Variants in TRIP12 observed in about 807,000 individuals in gnomAD.
TRIP12 encodes E3 ubiquitin-protein ligase TRIP12.
TRIP12 carries 25 observed loss-of-function variants against 244.2 expected under a neutral mutation model. That is an observed-to-expected ratio of 0.10 (90% confidence interval 0.07 to 0.14). The LOEUF (loss-of-function observed/expected upper bound fraction) is 0.14, where lower values mean the gene tolerates loss of function less well. Ranked by LOEUF, TRIP12 falls within the 10% of genes least tolerant of loss-of-function variation. The probability of loss-of-function intolerance (pLI) is 1.00; values close to 1 mark genes in which losing one functional copy is unlikely to be tolerated. For missense variants in TRIP12, 1,677 were observed against 2,486.4 expected, an observed-to-expected ratio of 0.67 and a Z score of 6.92; for synonymous variants, 905 against 873.1, an observed-to-expected ratio of 1.04 and a Z score of -0.64.
At chr2:229,907,736 G>A (rs186762044) in intron 1 of TRIP12, among the ~76,000 whole-genome samples, 74 of 152,130 alleles carry the variant, frequency 4.9e-4, no homozygotes, top group Middle Eastern at 6.8e-3. Context: ...CCACAAGTTC[G>A]AAGCTGCAGT....
intron 15 of TRIP12, among the ~76,000 whole-genome samples, chr2:229,810,595 A>C (rs559604036): frequency 6.6e-6 from 1 of 152,288 alleles, no homozygotes; most frequent in South Asian, 2.1e-4. Context: ...GAATTCTCCT[A>C]ATCAAGGATG....
intron 1 of TRIP12, among the ~76,000 whole-genome samples, chr2:229,911,383 ATTG>A (rs902071043): frequency 4.4e-4 from 67 of 152,324 alleles, no homozygotes; most frequent in African/African-American, 3.1e-4. Context: ...ACTGAAAAAA[ATTG>A]TTTTTAGTTT....
chr2:229,777,514 C>A, intron 36 of TRIP12, 35 bp from the exon 37 acceptor site: 1 of 1,608,566 alleles, frequency 6.2e-7, no homozygotes, highest in African/African-American at 1.3e-5. Flanking sequence ...TTCACTGTCA[C>A]ACTGAACTTC....
chr2:229,854,165 C>G (rs476555), intron 4 of TRIP12, among the ~76,000 whole-genome samples: 28,393 of 152,060 alleles, frequency 0.19, 2,883 homozygotes, highest in East Asian at 0.28. Flanking sequence ...TATATTACAG[C>G]CATGAGGTAA....
chr2:229,893,511 T>C (rs1383660044), intron 1 of TRIP12, among the ~76,000 whole-genome samples: 4 of 151,480 alleles, frequency 2.6e-5, no homozygotes, highest in Non-Finnish European at 5.9e-5. Context: ...TTTTTTACCA[T>C]TGTCTTGCCT....
chr2:229,815,540 C>A (rs755171920), intron 9 of TRIP12, among the ~76,000 whole-genome samples: 1 of 152,158 alleles, frequency 6.6e-6, no homozygotes, highest in Non-Finnish European at 1.5e-5. Context: ...ATAACCATCA[C>A]CTCGTGATAC....
chr2:229,795,479 TACC>T, intron 25 of TRIP12, 149 bp from the exon 26 acceptor site: 7 of 888,122 alleles, frequency 7.9e-6, no homozygotes, highest in Admixed American at 3.1e-5. Flanking sequence ...TGAACGATGT[TACC>T]ACGTCAATTA....
intron 1 of TRIP12, among the ~76,000 whole-genome samples, chr2:229,916,985 T>A (rs1340237084): frequency 6.6e-6 from 1 of 152,072 alleles, no homozygotes; most frequent in African/African-American, 2.4e-5. Context: ...AACAACTGCT[T>A]TGAGGTTATG....
At chr2:229,899,479 G>A (rs1485093709) in intron 1 of TRIP12, among the ~76,000 whole-genome samples, 4 of 152,172 alleles carry the variant, frequency 2.6e-5, no homozygotes, top group Non-Finnish European at 5.9e-5. Context: ...CTCTTTCAAA[G>A]ACAACTTGAA....
Position 229,797,900 on chromosome 2 carries a change from C to T in TRIP12, c.3483-69G>A, listed in dbSNP as rs1183514838. 9.0e-6 allele frequency: 13 copies of T among 1,451,692 alleles called. No individual in the cohort carries two copies. In the Admixed American group the frequency reaches 1.2e-4, roughly 14 times the overall value. 89.9% of individuals were successfully genotyped at this position (1,451,692 alleles called of 1,614,324 possible). A position where few individuals can be genotyped will look rare whatever the true frequency, so the allele number is the denominator to read the frequency against. On this transcript the variant is annotated intron_variant, in intron 23 of 41. Coordinates refer to ENST00000675903, the MANE Select transcript of TRIP12 (RefSeq NM_001348323.3). ...GAAAGGATATAACTTCTGATCAAGGCAAATAGCTGCTACATTTAAAATTCA... is the reference window on the plus strand; with the variant it reads ...GAAAGGATATAACTTCTGATCAAGGTAAATAGCTGCTACATTTAAAATTCA...
At position 229,776,070 on chromosome 2, in the gene TRIP12, C is replaced by G. The variant is rs148122562; in HGVS notation, c.5529+1245G>C. On this transcript the variant is annotated intron_variant, in intron 37 of 41. Coordinates refer to ENST00000675903, the MANE Select transcript of TRIP12 (RefSeq NM_001348323.3). ...CATGGTGTGGAAGCATGCAGACAGC[C>G]TGGGTTTGAGTTCCTACTCTGTGTT... 2.4e-4 allele frequency among the ~76,000 whole-genome samples: 36 copies of G among 152,196 alleles called. No individual in the cohort carries two copies. The East Asian group carries it at 6.8e-3, about 29-fold the overall frequency.
chr2:229,773,409 G>T (rs1023659780), intron 38 of TRIP12, among the ~76,000 whole-genome samples: 1 of 151,990 alleles, frequency 6.6e-6, no homozygotes, highest in Non-Finnish European at 1.5e-5. Flanking sequence ...TAAGAGAAAC[G>T]ATCTTGCTCT....
At chr2:229,884,236 CTT>C (rs200052292) in intron 1 of TRIP12, among the ~76,000 whole-genome samples, 106 of 123,576 alleles carry the variant, frequency 8.6e-4, no homozygotes, top group Non-Finnish European at 1.5e-3. Context: ...TTTTTCTTTT[CTT>C]TTTTTTTTTT....
At chr2:229,790,292 A>G (rs1027204423) in intron 30 of TRIP12, among the ~76,000 whole-genome samples, 12 of 152,220 alleles carry the variant, frequency 7.9e-5, no homozygotes, top group African/African-American at 2.7e-4. Flanking sequence ...AAAAAAATAA[A>G]TCTGAGGGAT....
rs147135813 is a variant in TRIP12 at position 229,791,298 on chromosome 2, G to A, written c.4416-47C>T. 7.5e-3 allele frequency: 12,093 copies of A among 1,605,904 alleles called. 87 individuals carry two copies. The highest frequency in any genetic ancestry group is 0.02 in the Middle Eastern group (123 of 6,034). The stretch of plus-strand genomic sequence containing the variant: ...TAAACCAAATGTAGATTTTGAAACT[G>A]ATACAAAGCCAAAATCTAAGCCACA... On this transcript the variant is annotated intron_variant, in intron 29 of 41. Coordinates refer to ENST00000675903, the MANE Select transcript of TRIP12 (RefSeq NM_001348323.3).
chr2:229,847,993 C>T (rs1472248036), intron 4 of TRIP12, among the ~76,000 whole-genome samples: 3 of 152,156 alleles, frequency 2.0e-5, no homozygotes, highest in African/African-American at 4.8e-5. Context: ...TCTGTGGCCT[C>T]TTCTCCCACT....
At chr2:229,847,523 A>C (rs2154320519) in intron 4 of TRIP12, among the ~76,000 whole-genome samples, 1 of 152,360 alleles carries the variant, frequency 6.6e-6, no homozygotes, top group Non-Finnish European at 1.5e-5. Flanking sequence ...ATAAATCTAC[A>C]AGGATGAGAA....
At chr2:229,773,144 C>T (rs867915753) in intron 38 of TRIP12, among the ~76,000 whole-genome samples, 1 of 151,036 alleles carries the variant, frequency 6.6e-6, no homozygotes, top group African/African-American at 2.4e-5. Flanking sequence ...GGCACGGTAT[C>T]GGCTCACTGG....
intron 30 of TRIP12, among the ~76,000 whole-genome samples, chr2:229,790,801 C>A (rs1456149779): frequency 1.3e-5 from 2 of 152,190 alleles, no homozygotes; most frequent in Admixed American, 1.3e-4. Context: ...GGCCAATTAT[C>A]ACTACCTTCA....
Sources: allele counts gnomAD v4.1 joint callset (sites outside exome capture counted in the v4.1 genomes callset), GRCh38; gene constraint gnomAD v4.1.1; transcripts MANE v1.5; gene names NCBI Gene and HGNC (gene_info 2026-07-23, HGNC 2026-07-21).